Variants in ZFP28 observed in about 807,000 individuals in gnomAD.
ZFP28 encodes zinc finger protein 28 homolog.
A neutral mutation model predicts 39.5 loss-of-function variants in ZFP28; 31 were observed. The ratio of observed to expected loss-of-function variants is 0.79; its 90% CI spans 0.59 to 1.06. The LOEUF is 1.06. Among genes scored for constraint, ZFP28 ranks in the 50% least tolerant of loss-of-function variants. The pLI is 0.00. For missense variants in ZFP28, 925 were observed against 1,048.4 expected (o/e 0.88, Z 1.63); for synonymous variants, 400 against 378.6 (o/e 1.06, Z -0.66).
chr19:56,546,306 A>G (rs1430686896), intron 2 of ZFP28: 1 of 152,198 alleles, frequency 6.6e-6, no homozygotes, highest in Non-Finnish European at 1.5e-5. Context: ...TCTGTTAGCC[A>G]CAGGTTCCTG....
At chr19:56,539,539 C>G in intron 1 of ZFP28, 86 bp from the exon 2 acceptor site, 2 of 1,194,434 alleles carry the variant, frequency 1.7e-6, no homozygotes, top group Non-Finnish European at 1.2e-6. Flanking sequence ...CTGATCCCAC[C>G]TTTTCATGCA....
intron 7 of ZFP28, chr19:56,551,651 T>C (rs2044304718): frequency 3.0e-6 from 3 of 985,434 alleles, no homozygotes; most frequent in Non-Finnish European, 3.6e-6. Flanking sequence ...GATGTATGAG[T>C]TTAATTGCAT....
At position 56,554,386 on chromosome 19, in the gene ZFP28, A is replaced by T. The variant is rs549712142; in HGVS notation, c.1601A>T (p.Lys534Ile). The change falls in exon 8 of 8, where the codon AAA becomes ATA. Residue 534 changes from lysine to isoleucine, a missense_variant. Physicochemically the swap from Lys to Ile is moderately radical, Grantham distance 102. Around this residue, in one of 2 missense-constraint regions of ZFP28, gnomAD observed 369 missense variants for 505.5 expected, o/e 0.73. Coordinates refer to ENST00000301318, the MANE Select transcript of ZFP28 (RefSeq NM_020828.2). The surrounding 1 kb of genome is among the most constrained non-coding windows in gnomAD (Gnocchi z 6.7). Reference protein sequence around the residue: ...RRIHTGEKPYKCDVCHKSFRY... With the variant: ...RRIHTGEKPYICDVCHKSFRY... ...ATTCATACTGGAGAGAAACCTTACA[A>T]ATGTGATGTATGTCACAAATCCTTC... The T allele has an allele frequency of 6.2e-7, 1 of 1,614,162 alleles. No homozygotes were observed. Among genetic ancestry groups the T allele is most frequent in the Non-Finnish European group, 8.5e-7 (1 of 1,180,038 alleles).
Position 56,547,707 on chromosome 19 carries a change from A to G in ZFP28, c.427+73A>G. 1 of 1,585,976 alleles carries G rather than the reference A, an allele frequency of 6.3e-7. No homozygotes were observed. Among genetic ancestry groups the G allele is most frequent in the Non-Finnish European group, 8.6e-7 (1 of 1,164,640 alleles). On this transcript the variant is annotated intron_variant, in intron 3 of 7. Coordinates refer to ENST00000301318, the MANE Select transcript of ZFP28 (RefSeq NM_020828.2). This position sits in a 1 kb window ranked among gnomAD's most constrained non-coding sequence, Gnocchi z 4.6. ...GGACTAAGAAGCCTTTCATGCCTTT[A>G]TCACCCAGACCTGCACTGCCCTCTT... is the stretch of plus-strand genomic sequence containing the variant.
intron 7 of ZFP28, chr19:56,550,973 A>G: frequency 7.3e-7 from 1 of 1,361,914 alleles, no homozygotes; most frequent in African/African-American, 1.5e-5. Flanking sequence ...GAGAACCACA[A>G]ATTGAAAGTT....
In ZFP28 at chr19:56,547,629, C is replaced by G. The variant is rs34136271; in HGVS notation, c.422C>G (p.Ser141Trp). ...TTGGAGAACTACAGGAACCTGGCAT[C>G]GCTGGGTAAGGGCTCCCACCCCTTT... ...VMLENYRNLA[S>W]LGLCVSKPDV... is the part of the protein sequence containing the mutation. The change falls in exon 3 of 8, where the codon TCG becomes TGG. Residue 141 changes from serine to tryptophan, a missense_variant. Physicochemically the swap from Ser to Trp is radical, Grantham distance 177. Coordinates refer to ENST00000301318, the MANE Select transcript of ZFP28 (RefSeq NM_020828.2). This position sits in a 1 kb window ranked among gnomAD's most constrained non-coding sequence, Gnocchi z 4.6. 280,955 of 1,608,738 alleles carry G rather than the reference C, an allele frequency of 0.17. 25,620 individuals carry two copies. Among genetic ancestry groups the G allele is most frequent in the Middle Eastern group, 0.2 (1,208 of 6,030 alleles).
At chr19:56,549,155 G>A in intron 5 of ZFP28, 34 bp downstream of exon 5, 2 of 1,581,340 alleles carry the variant, frequency 1.3e-6, no homozygotes, top group Non-Finnish European at 8.6e-7. Flanking sequence ...GCAAGAGGAA[G>A]GATCCTTCAT....
rs891316211 is a variant in ZFP28, at chr19:56,539,713, C to T, written c.297C>T (p.Ser99=). The change falls in exon 2 of 8, where the codon TCC becomes TCT. Residue 99 remains serine (S), a synonymous_variant. Transcript: ENST00000301318. ...CAGGAATTGAACCTAAAGCCATGTC[C>T]CAGGTGAGTTGGCATTTCATCTCTT... ...VGTGIEPKAM[S]QGLVTFGDVA... The T allele has an allele frequency of 1.9e-6, 3 of 1,613,634 alleles. No individual in the cohort carries two copies. Among genetic ancestry groups the T allele is most frequent in the African/African-American group, 2.7e-5 (2 of 74,890 alleles).
In ZFP28 at chr19:56,547,769, G is replaced by A; in HGVS notation, c.428-38G>A. 6.2e-7 allele frequency: 1 copy of A among 1,612,428 alleles called. No homozygotes were observed. The highest frequency in any genetic ancestry group is 1.1e-5 in the South Asian group (1 of 91,000). The stretch of plus-strand genomic sequence containing the variant: ...AGGGGACTGCATCTCAGTCTGGACA[G>A]CCACACAGTATGACCAGGTTGTTTT... On this transcript the variant is annotated intron_variant, in intron 3 of 7. Transcript: ENST00000301318. The surrounding 1 kb of genome is among the most constrained non-coding windows in gnomAD (Gnocchi z 4.6).
Position 56,554,002 on chromosome 19 carries a change from TG to T in ZFP28, c.1219del (p.Val407Ter). On this transcript the variant is annotated frameshift_variant, in exon 8 of 8. Transcript: ENST00000301318. LOFTEE classifies it low-confidence loss of function (END_TRUNC). This position sits in a 1 kb window ranked among gnomAD's most constrained non-coding sequence, Gnocchi z 6.7. ...ATTAAAAATTTTCAAAAAAGTTCAG[TG>T]GTAATAAAACAAACAGGCATCTATG... is the stretch of plus-strand genomic sequence containing the variant. ...DSIKNFQKSS[V>X]VIKQTGIYAG... 6.2e-7 allele frequency: 1 copy of T among 1,611,766 alleles called. No homozygotes were observed. The highest frequency in any genetic ancestry group is 8.5e-7 in the Non-Finnish European group (1 of 1,179,458).
At chr19:56,550,864 G>T in intron 7 of ZFP28, 2 of 1,448,044 alleles carry the variant, frequency 1.4e-6, no homozygotes, top group Non-Finnish European at 1.8e-6. Context: ...TTCCTTAAAT[G>T]ATCTTTTCTG....
In ZFP28 at chr19:56,539,081, C is replaced by A. The variant is rs777700222; in HGVS notation, c.63C>A (p.Pro21=). ...EPTPLPGRGA[P]RTKPRAGRGP... ...CGCCGCTCCCGGGTAGAGGCGCCCC[C>A]CGCACAAAGCCCCGGGCGGGCCGAG... is the stretch of plus-strand genomic sequence containing the variant. The change falls in exon 1 of 8, where the codon CCC becomes CCA. Residue 21 remains proline (P), a synonymous_variant. Coordinates refer to ENST00000301318, the MANE Select transcript of ZFP28 (RefSeq NM_020828.2). 8 of 1,533,010 alleles carry A rather than the reference C, an allele frequency of 5.2e-6. No individual in the cohort carries two copies. Among genetic ancestry groups the A allele is most frequent in the Non-Finnish European group, 8.7e-7 (1 of 1,145,222 alleles). The allele number at this position is 1,533,010 out of a possible 1,614,324, so 95.0% of individuals were successfully genotyped here. A position where few individuals can be genotyped will look rare whatever the true frequency, so the allele number is the denominator to read the frequency against.
In ZFP28 at chr19:56,539,005, C is replaced by T; in HGVS notation, c.-14C>T. On this transcript the variant is annotated 5_prime_UTR_variant, in exon 1 of 8. Coordinates refer to ENST00000301318, the MANE Select transcript of ZFP28 (RefSeq NM_020828.2). The stretch of plus-strand genomic sequence containing the variant: ...AGGGACCGGTCGGAAGGGCGTCGCG[C>T]GGCCTCGGGTGACATGCGGGGGGCG... 1 of 1,386,576 alleles carries T rather than the reference C, an allele frequency of 7.2e-7. No homozygotes were observed. The highest frequency in any genetic ancestry group is 9.3e-7 in the Non-Finnish European group (1 of 1,076,382). 85.9% of individuals were successfully genotyped at this position (1,386,576 alleles called of 1,614,324 possible).
chr19:56,543,366 T>A (rs60067324), intron 2 of ZFP28, among the ~76,000 whole-genome samples: 3,128 of 141,196 alleles, frequency 0.022, 99 homozygotes, highest in African/African-American at 0.076. Flanking sequence ...TATATATATA[T>A]TAATATATGT....
intron 7 of ZFP28, chr19:56,550,809 A>G: frequency 1.3e-6 from 2 of 1,501,478 alleles, no homozygotes; most frequent in East Asian, 2.5e-5. Flanking sequence ...ATTTCCCTGA[A>G]GTTCCTTCTT....
At chr19:56,544,967 T>C (rs2044227507) in intron 2 of ZFP28, among the ~76,000 whole-genome samples, 1 of 152,248 alleles carries the variant, frequency 6.6e-6, no homozygotes, top group African/African-American at 2.4e-5. Context: ...AGATCACTAA[T>C]GCATAGCATG....
chr19:56,547,326 C>A lies in ZFP28; in HGVS notation c.301-182C>A. 2.4e-6 allele frequency: 2 copies of A among 836,726 alleles called. No homozygotes were observed. The highest frequency in any genetic ancestry group is 3.6e-4 in the Middle Eastern group (1 of 2,770). 51.8% of individuals were successfully genotyped at this position (836,726 alleles called of 1,614,324 possible). A position where few individuals can be genotyped will look rare whatever the true frequency, so the allele number is the denominator to read the frequency against. On this transcript the variant is annotated intron_variant, in intron 2 of 7. Transcript: ENST00000301318. This position sits in a 1 kb window ranked among gnomAD's most constrained non-coding sequence, Gnocchi z 4.6. ...GGTTAGGGCCCCACCCATATGACCT[C>A]ATTTAACCCTAATTACCTCTTTGTA...
chr19:56,550,775 G>T (rs1210416676), intron 7 of ZFP28, 170 bp downstream of exon 7: 1 of 1,531,284 alleles, frequency 6.5e-7, no homozygotes, highest in Admixed American at 2.0e-5. Context: ...CTCCTCCTTT[G>T]CCCCCTTCTC....
intron 7 of ZFP28, chr19:56,551,024 G>A: frequency 8.2e-7 from 1 of 1,223,178 alleles, no homozygotes; most frequent in Non-Finnish European, 1.0e-6. Context: ...CAGGCGATTG[G>A]AAAAAGGGAG....
Sources: gnomAD v4.1 joint callset for allele counts (sites outside exome capture counted in the v4.1 genomes callset) on GRCh38, gnomAD v4.1.1 for gene constraint, gnomAD v4.1.1 regional missense constraint, Gnocchi (gnomAD v3.1) non-coding constraint, MANE v1.5 for transcripts, NCBI Gene and HGNC (gene_info 2026-07-23, HGNC 2026-07-21) for gene names.